TENT5B: variants seen among roughly 807,000 people sequenced by gnomAD.
TENT5B encodes terminal nucleotidyltransferase 5B.
Under a neutral mutation model 21.7 loss-of-function variants are expected in TENT5B, and 12 were observed. The ratio of observed to expected loss-of-function variants is 0.55; its 90% CI spans 0.36 to 0.90. TENT5B has a LOEUF of 0.90. Ranked by LOEUF, TENT5B falls within the 40% of genes least tolerant of loss-of-function variation. The pLI is 0.01. For synonymous variants in TENT5B, 262 were observed against 266.6 expected (o/e 0.98, Z 0.17); for missense variants, 540 against 601.5 (o/e 0.90, Z 1.07).
Position 27,012,717 on chromosome 1 carries a change from A to G in TENT5B, c.-47T>C, listed in dbSNP as rs1369741084. 1 of 1,397,902 alleles carries G rather than the reference A, an allele frequency of 7.2e-7. No individual in the cohort carries two copies. 86.6% of individuals were successfully genotyped at this position (1,397,902 alleles called of 1,614,324 possible). A position where few individuals can be genotyped will look rare whatever the true frequency, so the allele number is the denominator to read the frequency against. On this transcript the variant is annotated 5_prime_UTR_variant, in exon 1 of 2. Transcript: ENST00000289166. ...ACGGCAGAAACCGTGGGGGTGGTTA[A>G]GGGGAGGAGGACAGGGAGAGCGGCT...
chr1:27,010,993 G>C (rs928266765), intron 1 of TENT5B, among the ~76,000 whole-genome samples: 7 of 152,142 alleles, frequency 4.6e-5, no homozygotes, highest in Admixed American at 1.3e-4. Flanking sequence ...TCTTGCAGAG[G>C]GGGGCTGCCA....
Position 27,012,635 on chromosome 1 carries a change from G to A in TENT5B, c.36C>T (p.Asp12=), listed in dbSNP as rs1419104524. ...CCGTCCCCACCTGAGCAGCCGCCCG[G>A]TCCCTGCGCTCAGCTCCGCTCTCCG... ...MPSESGAERR[D]RAAAQVGTAA... is the part of the protein sequence containing the mutation. Residue 12 remains aspartate, a synonymous_variant, in exon 1 of 2, where the codon GAC becomes GAT. Transcript: ENST00000289166. The A allele has an allele frequency of 1.3e-6, 2 of 1,507,818 alleles. No individual in the cohort carries two copies. The allele number at this position is 1,507,818 out of a possible 1,614,324, so 93.4% of individuals were successfully genotyped here. A position where few individuals can be genotyped will look rare whatever the true frequency, so the allele number is the denominator to read the frequency against.
chr1:27,007,608 T>C (rs1008405455), intron 1 of TENT5B, among the ~76,000 whole-genome samples: 1 of 151,444 alleles, frequency 6.6e-6, no homozygotes, highest in Non-Finnish European at 1.5e-5. Context: ...GCCAGGCTGG[T>C]CTTTAACTCC....
chr1:27,006,107 A>G lies in TENT5B; in HGVS notation c.1115T>C (p.Leu372Pro). ...RRQTLDLIAA[L>P]ALQALAEQGP... is the part of the protein sequence containing the mutation. ...CTGCTCAGCCAGTGCCTGCAGCGCC[A>G]GTGCGGCAATGAGGTCCAGCGTCTG... is the stretch of plus-strand genomic sequence containing the variant. Residue 372 changes from leucine to proline, a missense_variant, in exon 2 of 2, where the codon CTG becomes CCG. Transcript: ENST00000289166. This position sits in a 1 kb window ranked among gnomAD's most constrained non-coding sequence, Gnocchi z 9.4. 2 of 1,609,244 alleles carry G rather than the reference A, an allele frequency of 1.2e-6. No individual in the cohort carries two copies. The highest frequency in any genetic ancestry group is 2.2e-5 in the East Asian group (1 of 44,776).
At position 27,012,579 on chromosome 1, in the gene TENT5B, G is replaced by A. The variant is rs775927833; in HGVS notation, c.92C>T (p.Pro31Leu). The change falls in exon 1 of 2, where the codon CCG (proline) becomes CTG (leucine). Residue 31 changes from proline to leucine, a missense_variant. Transcript: ENST00000289166. Reference protein sequence around the residue: ...AAATAVATAAPAGGGPDPEAL... With the variant: ...AAATAVATAALAGGGPDPEAL... The stretch of plus-strand genomic sequence containing the variant: ...CTCCGGGTCGGGGCCGCCGCCTGCC[G>A]GGGCTGCCGTGGCCACCGCCGTGGC... The A allele has an allele frequency of 1.9e-5, 30 of 1,542,110 alleles. No individual in the cohort carries two copies. The highest frequency in any genetic ancestry group is 1.7e-4 in the Admixed American group (9 of 51,706).
At chr1:27,012,381 A>G in intron 1 of TENT5B, 26 bp downstream of exon 1, 1 of 1,603,056 alleles carries the variant, frequency 6.2e-7, no homozygotes, top group Non-Finnish European at 8.5e-7. Flanking sequence ...GGATTCCCCC[A>G]CATCCCCCGC....
intron 1 of TENT5B, 113 bp downstream of exon 1, chr1:27,012,294 C>T: frequency 6.8e-7 from 1 of 1,476,100 alleles, no homozygotes; most frequent in Non-Finnish European, 9.1e-7. Context: ...CAGCCATGTC[C>T]CCGTTCCTCA....
rs745760498 is a variant in TENT5B at position 27,012,412 on chromosome 1, C to T, written c.259G>A (p.Val87Met). The T allele has an allele frequency of 1.2e-6, 2 of 1,612,410 alleles. No individual in the cohort carries two copies. The highest frequency in any genetic ancestry group is 1.7e-6 in the Non-Finnish European group (2 of 1,179,660). Residue 87 changes from valine (V) to methionine (M), a missense_variant, in exon 1 of 2, where the codon GTG becomes ATG. Transcript: ENST00000289166. Reference sequence around the variant, plus strand: ...CCCGCCTGGCGTCCTCTCACCTGCACGATCTGCCGGGGCTGCACGCTCAGC... The same window carrying T: ...CCCGCCTGGCGTCCTCTCACCTGCATGATCTGCCGGGGCTGCACGCTCAGC... ...PTLSVQPRQI[V>M]QVVRSTLEEQ... is the part of the protein sequence containing the mutation.
rs767488596 is a variant in TENT5B, at chr1:27,006,901, A to G, written c.321T>C (p.His107=). 8 of 1,613,154 alleles carry G rather than the reference A, an allele frequency of 5.0e-6. No homozygotes were observed. The highest frequency in any genetic ancestry group is 6.8e-6 in the Non-Finnish European group (8 of 1,179,638). The change falls in exon 2 of 2, where the codon CAT becomes CAC. Residue 107 remains histidine, a synonymous_variant. Transcript: ENST00000289166. The surrounding 1 kb of genome is among the most constrained non-coding windows in gnomAD (Gnocchi z 9.4). ...QGLHVHSVRL[H]GSAASHVLHP... ...GCAGCACGTGGCTGGCAGCTGAACCATGCAGCCGCACACTGTGCACATGTA... is the reference window on the plus strand; with the variant it reads ...GCAGCACGTGGCTGGCAGCTGAACCGTGCAGCCGCACACTGTGCACATGTA...
chr1:27,012,287 C>T (rs1286097311), intron 1 of TENT5B, 120 bp downstream of exon 1: 2 of 1,450,322 alleles, frequency 1.4e-6, no homozygotes, highest in African/African-American at 1.4e-5. Context: ...ATTGTTACAG[C>T]CATGTCCCCG....
At chr1:27,008,977 C>CTTTTTTTTTTTTTTTT (rs58360969) in intron 1 of TENT5B, among the ~76,000 whole-genome samples, 1 of 30,978 alleles carries the variant, frequency 3.2e-5, no homozygotes, top group African/African-American at 1.4e-4. Context: ...CTCCATCCTT[C>CTTTTTTTTTTTTTTTT]TTTTTTTTTT....
At chr1:27,012,124 G>T (rs2124209158) in intron 1 of TENT5B, among the ~76,000 whole-genome samples, 1 of 152,260 alleles carries the variant, frequency 6.6e-6, no homozygotes, top group Admixed American at 6.5e-5. Flanking sequence ...TTCCCCCAAT[G>T]CCCTTGACAT....
At position 27,005,825 on chromosome 1, in the gene TENT5B, C is replaced by T. The variant is rs1282117129; in HGVS notation, c.*119G>A. 1.5e-6 allele frequency: 2 copies of T among 1,374,258 alleles called. No homozygotes were observed. 85.1% of individuals were successfully genotyped at this position (1,374,258 alleles called of 1,614,324 possible). On this transcript the variant is annotated 3_prime_UTR_variant, in exon 2 of 2. Coordinates refer to ENST00000289166, the MANE Select transcript of TENT5B (RefSeq NM_052943.4). ...CTGGTCTGTTCAATCAAAGGCCCAACCCTGCAGTGCTGGGCCTCCTGGCAC... is the reference window on the plus strand; with the variant it reads ...CTGGTCTGTTCAATCAAAGGCCCAATCCTGCAGTGCTGGGCCTCCTGGCAC...
In TENT5B at chr1:27,006,819, G is replaced by A. The variant is rs763560379; in HGVS notation, c.403C>T (p.Arg135Cys). Residue 135 changes from arginine (R) to cysteine (C), a missense_variant, in exon 2 of 2, where the codon CGC becomes TGC. By Grantham distance (180) the Arg-to-Cys change is radical (BLOSUM62 -3). Coordinates refer to ENST00000289166, the MANE Select transcript of TENT5B (RefSeq NM_052943.4). This position sits in a 1 kb window ranked among gnomAD's most constrained non-coding sequence, Gnocchi z 9.4. ...GTCAGCTGGAAGGATGCCTCACTGCGCAGGTCCACCCGGAACACCAGGTCC... is the reference window on the plus strand; with the variant it reads ...GTCAGCTGGAAGGATGCCTCACTGCACAGGTCCACCCGGAACACCAGGTCC... ...DLDLVFRVDL[R>C]SEASFQLTKA... The A allele has an allele frequency of 1.4e-5, 22 of 1,613,896 alleles. No homozygotes were observed. The highest frequency in any genetic ancestry group is 1.6e-4 in the Middle Eastern group (1 of 6,084).
chr1:27,012,517 G>A lies in TENT5B; in HGVS notation c.154C>T (p.Leu52=), dbSNP rs2082628983. The change falls in exon 1 of 2, where the codon CTG becomes TTG. Residue 52 remains leucine (L), a synonymous_variant. Transcript: ENST00000289166. ...SAFPGRHLSG[L]SWPQVKRLDA... Reference sequence around the variant, plus strand: ...AGTCGCTTCACCTGTGGCCAGCTCAGCCCACTCAGGTGCCGTCCGGGGAAG... The same window carrying A: ...AGTCGCTTCACCTGTGGCCAGCTCAACCCACTCAGGTGCCGTCCGGGGAAG... The A allele has an allele frequency of 6.2e-7, 1 of 1,606,700 alleles. No homozygotes were observed. The highest frequency in any genetic ancestry group is 2.2e-5 in the East Asian group (1 of 44,794).
At position 27,006,369 on chromosome 1, in the gene TENT5B, G is replaced by A. The variant is rs2082598836; in HGVS notation, c.853C>T (p.Leu285Phe). ...CGGGGCCGGAAGCCCCGCACCAGGA[G>A]GTGGCAGTACTTGAGGAGGCCACCA... is the stretch of plus-strand genomic sequence containing the variant. Reference protein sequence around the residue: ...RGGGLLKYCHLLVRGFRPRPS... With the variant: ...RGGGLLKYCHFLVRGFRPRPS... Residue 285 changes from leucine (L) to phenylalanine (F), a missense_variant, in exon 2 of 2, where the codon CTC becomes TTC. Transcript: ENST00000289166. The surrounding 1 kb of genome is among the most constrained non-coding windows in gnomAD (Gnocchi z 9.4). 1 of 1,612,024 alleles carries A rather than the reference G, an allele frequency of 6.2e-7. No homozygotes were observed. Among genetic ancestry groups the A allele is most frequent in the Non-Finnish European group, 8.5e-7 (1 of 1,179,140 alleles).
chr1:27,005,917 T>G lies in TENT5B; in HGVS notation c.*27A>C. The G allele has an allele frequency of 6.5e-7, 1 of 1,528,934 alleles. No homozygotes were observed. The highest frequency in any genetic ancestry group is 8.8e-7 in the Non-Finnish European group (1 of 1,136,894). 94.7% of individuals were successfully genotyped at this position (1,528,934 alleles called of 1,614,324 possible). On this transcript the variant is annotated 3_prime_UTR_variant, in exon 2 of 2. Coordinates refer to ENST00000289166, the MANE Select transcript of TENT5B (RefSeq NM_052943.4). ...CCCCACCCCACCCCGTGAGGCCCAG[T>G]CCCTTCCCTTCTGGCCAGGGTCTGA...
intron 1 of TENT5B, among the ~76,000 whole-genome samples, chr1:27,010,169 C>A (rs1015723883): frequency 6.6e-6 from 1 of 152,160 alleles, no homozygotes; most frequent in Non-Finnish European, 1.5e-5. Context: ...CCAGAGAAGG[C>A]AAAGGACTTG....
At position 27,006,931 on chromosome 1, in the gene TENT5B, C is replaced by G; in HGVS notation, c.291G>C (p.Gln97His). 1.3e-6 allele frequency: 2 copies of G among 1,599,188 alleles called. No homozygotes were observed. Among genetic ancestry groups the G allele is most frequent in the Non-Finnish European group, 1.7e-6 (2 of 1,170,056 alleles). Residue 97 changes from glutamine (Q) to histidine (H), a missense_variant, in exon 2 of 2, where the codon CAG (glutamine) becomes CAC (histidine). By Grantham distance (24) the Gln-to-His change is conservative. Transcript: ENST00000289166. This position sits in a 1 kb window ranked among gnomAD's most constrained non-coding sequence, Gnocchi z 9.4. ...GCCGCACACTGTGCACATGTAGTCC[C>G]TGCTCCTCCAGGGTGCTGCGGACCA... Reference protein sequence around the residue: ...VQVVRSTLEEQGLHVHSVRLH... With the variant: ...VQVVRSTLEEHGLHVHSVRLH...
Sources: gnomAD v4.1 joint callset for allele counts (sites outside exome capture counted in the v4.1 genomes callset) on GRCh38, gnomAD v4.1.1 for gene constraint, Gnocchi (gnomAD v3.1) non-coding constraint, MANE v1.5 for transcripts, NCBI Gene and HGNC (gene_info 2026-07-23, HGNC 2026-07-21) for gene names.